The following SLC38A6 variants were observed in gnomAD, a reference collection of about 807,000 sequenced individuals.
The protein encoded by SLC38A6 is N system amino acid transporter NAT-1.
A neutral mutation model predicts 65.0 loss-of-function variants in SLC38A6; 73 were observed. That is an observed-to-expected ratio of 1.12 (90% CI 0.93 to 1.37). SLC38A6 has a LOEUF of 1.37. SLC38A6 is among the 40% of genes most tolerant of loss of function. SLC38A6 has a pLI of 0.00. For missense variants in SLC38A6, 561 were observed against 531.1 expected, an observed-to-expected ratio of 1.06 and a Z score of -0.55; for synonymous variants, 183 against 178.8, an observed-to-expected ratio of 1.02 and a Z score of -0.19.
intron 15 of SLC38A6, among the ~76,000 whole-genome samples, chr14:61,077,050 A>G (rs2043444615): frequency 6.6e-6 from 1 of 152,258 alleles, no homozygotes; most frequent in Non-Finnish European, 1.5e-5. Flanking sequence ...TTAGAACGTC[A>G]AAATGAATCT....
intron 3 of SLC38A6, among the ~76,000 whole-genome samples, chr14:61,014,973 C>G (rs930483511): frequency 6.6e-6 from 1 of 152,198 alleles, no homozygotes; most frequent in Non-Finnish European, 1.5e-5. Flanking sequence ...TATGCCCTGC[C>G]CCTAGAGGTG....
rs2296924 is a variant in SLC38A6 at position 60,981,792 on chromosome 14, A to G, written c.105+410A>G. The G allele has an allele frequency of 0.96, 1,096,225 of 1,147,326 alleles. 526,477 individuals carry two copies. Among genetic ancestry groups the G allele is most frequent in the Non-Finnish European group, 0.99 (851,783 of 863,024 alleles). The allele number at this position is 1,147,326 out of a possible 1,614,324, so 71.1% of individuals were successfully genotyped here. A position where few individuals can be genotyped will look rare whatever the true frequency, so the allele number is the denominator to read the frequency against. On this transcript the variant is annotated intron_variant, in intron 1 of 15. Transcript: ENST00000267488. ...CGACTTAGTCATGGGGGGAGGGAAA[A>G]TAATAAACATTTTAATACAGAAATT...
At chr14:61,064,458 C>T (rs1311303448) in intron 15 of SLC38A6, among the ~76,000 whole-genome samples, 1 of 151,818 alleles carries the variant, frequency 6.6e-6, no homozygotes, top group African/African-American at 2.4e-5. Context: ...GAGATAGGAT[C>T]ATGGGAGGTT....
intron 5 of SLC38A6, among the ~76,000 whole-genome samples, chr14:61,022,941 T>C (rs1238911102): frequency 1.3e-5 from 2 of 152,206 alleles, no homozygotes; most frequent in Non-Finnish European, 2.9e-5. Flanking sequence ...TGCTATGATA[T>C]AGCAAATGTT....
chr14:61,064,532 G>A (rs1328621288), intron 15 of SLC38A6, among the ~76,000 whole-genome samples: 1 of 149,838 alleles, frequency 6.7e-6, no homozygotes, highest in African/African-American at 2.5e-5. Context: ...TATTTGTGCA[G>A]GTATTCATTT....
chr14:61,076,418 A>G lies in SLC38A6; in HGVS notation c.1291-2392A>G, dbSNP rs76790063. ...TCTATGCCAAGCACATTCTCATGTAATCTGAGGTAAGCACAGTTATATTCC... is the reference window on the plus strand; with the variant it reads ...TCTATGCCAAGCACATTCTCATGTAGTCTGAGGTAAGCACAGTTATATTCC... On this transcript the variant is annotated intron_variant, in intron 15 of 16. Transcript: ENST00000354886. Among the ~76,000 whole-genome samples the G allele has an allele frequency of 2.7e-3, 406 of 152,320 alleles. 2 individuals are homozygous for G. Among genetic ancestry groups the G allele is most frequent in the African/African-American group, 9.3e-3 (385 of 41,560 alleles).
intron 15 of SLC38A6, among the ~76,000 whole-genome samples, chr14:61,073,164 G>T (rs746829304): frequency 3.3e-5 from 5 of 152,040 alleles, no homozygotes; most frequent in Admixed American, 2.0e-4. Context: ...ATGTCTGTTA[G>T]CCATTTGTTT....
rs2040910729 is a variant in SLC38A6 at position 61,030,507 on chromosome 14, A to G, written c.466A>G (p.Thr156Ala). The change falls in exon 6 of 16, where the codon ACT (threonine) becomes GCT (alanine). Residue 156 changes from threonine to alanine, a missense_variant. Thr to Ala is a moderately conservative substitution (Grantham distance 58). Coordinates refer to ENST00000267488, the MANE Select transcript of SLC38A6 (RefSeq NM_153811.3). ...ELPAAIAEFL[T>A]GDYSRYWYLD... ...TCCTGCTGCTATTGCAGAATTTTTG[A>G]CTGGAGACTATAGTAGGTAAGAAAA... 3 of 1,609,410 alleles carry G rather than the reference A, an allele frequency of 1.9e-6. No individual in the cohort carries two copies. Among genetic ancestry groups the G allele is most frequent in the Non-Finnish European group, 1.7e-6 (2 of 1,177,222 alleles).
At chr14:61,032,582 A>G (rs556056961) in intron 6 of SLC38A6, among the ~76,000 whole-genome samples, 9 of 152,008 alleles carry the variant, frequency 5.9e-5, no homozygotes, top group Non-Finnish European at 7.4e-5. Context: ...GTCAGTTTGC[A>G]TCATCTCTGT....
chr14:61,005,857 C>T (rs1290243380), intron 3 of SLC38A6, among the ~76,000 whole-genome samples: 1 of 152,108 alleles, frequency 6.6e-6, no homozygotes, highest in East Asian at 1.9e-4. Flanking sequence ...CAAAAAAGAG[C>T]CCGCATTGCC....
At chr14:61,083,130 T>C (rs763847895) in intron 16 of SLC38A6, among the ~76,000 whole-genome samples, 2 of 152,222 alleles carry the variant, frequency 1.3e-5, no homozygotes, top group Non-Finnish European at 2.9e-5. Flanking sequence ...TAGTGGACTG[T>C]AGCAATGGAT....
intron 15 of SLC38A6, among the ~76,000 whole-genome samples, chr14:61,070,745 C>A (rs2043201301): frequency 2.0e-5 from 3 of 152,134 alleles, no homozygotes; most frequent in African/African-American, 7.2e-5. Flanking sequence ...TGATAATGAT[C>A]ATCCTAACAG....
chr14:61,024,094 A>G (rs1594631986), intron 5 of SLC38A6, among the ~76,000 whole-genome samples: 2 of 152,158 alleles, frequency 1.3e-5, no homozygotes, highest in Admixed American at 6.5e-5. Flanking sequence ...GAAAGCGTCT[A>G]CTGTTAGAAC....
chr14:61,040,054 T>G (rs962031881), intron 8 of SLC38A6, among the ~76,000 whole-genome samples: 1 of 145,100 alleles, frequency 6.9e-6, no homozygotes, highest in Non-Finnish European at 1.5e-5. Flanking sequence ...GTAAATTTAC[T>G]TTTTTTTTGG....
chr14:61,018,956 G>A (rs1281783267), intron 4 of SLC38A6, among the ~76,000 whole-genome samples: 1 of 152,138 alleles, frequency 6.6e-6, no homozygotes, highest in South Asian at 2.1e-4. Context: ...ATATCCTACA[G>A]TTCTTGCCAA....
chr14:61,033,709 T>C (rs2041158356), intron 6 of SLC38A6, among the ~76,000 whole-genome samples: 1 of 152,146 alleles, frequency 6.6e-6, no homozygotes, highest in South Asian at 2.1e-4. Context: ...GTGACACACA[T>C]GTGAAATCTA....
rs2038621388 is a variant in SLC38A6, at chr14:61,000,372, A to T, written c.311-15532A>T. On this transcript the variant is annotated intron_variant, in intron 3 of 15. Coordinates refer to ENST00000267488, the MANE Select transcript of SLC38A6 (RefSeq NM_153811.3). Reference sequence around the variant, plus strand: ...TGGGCAGGCCCAGTGGCTCACGCCTATAATCCCAGCACTTTGGGAGGACAA... The same window carrying T: ...TGGGCAGGCCCAGTGGCTCACGCCTTTAATCCCAGCACTTTGGGAGGACAA... 2.0e-5 allele frequency among the ~76,000 whole-genome samples: 3 copies of T among 152,348 alleles called. No individual in the cohort carries two copies. The South Asian group carries it at 6.2e-4, about 32-fold the overall frequency.
intron 3 of SLC38A6, among the ~76,000 whole-genome samples, chr14:60,998,982 C>G (rs975259085): frequency 1.3e-5 from 2 of 152,090 alleles, no homozygotes; most frequent in Non-Finnish European, 2.9e-5. Context: ...GCAGACAAGG[C>G]AAGAGAGAAT....
intron 15 of SLC38A6, among the ~76,000 whole-genome samples, chr14:61,074,854 T>G (rs1429663455): frequency 6.6e-6 from 1 of 152,116 alleles, no homozygotes; most frequent in Non-Finnish European, 1.5e-5. Flanking sequence ...CTTTTTTTTT[T>G]TGGTGGTGGT....
Sources: allele counts gnomAD v4.1 joint callset (sites outside exome capture counted in the v4.1 genomes callset), GRCh38; gene constraint gnomAD v4.1.1; transcripts MANE v1.5; gene names NCBI Gene and HGNC (gene_info 2026-07-23, HGNC 2026-07-21).